GABRB1: variants seen among roughly 807,000 people sequenced by gnomAD.
GABRB1 encodes the protein gamma-aminobutyric acid receptor subunit beta-1.
In GABRB1, 17 loss-of-function variants were observed where a neutral mutation model predicts 51.6. The ratio of observed to expected loss-of-function variants is 0.33; its 90% CI spans 0.23 to 0.49. The LOEUF (loss-of-function observed/expected upper bound fraction) is 0.49, where lower values mean the gene tolerates loss of function less well. Among genes scored for constraint, GABRB1 ranks in the 20% least tolerant of loss-of-function variants. The pLI is 0.99. For synonymous variants in GABRB1, 247 were observed against 218.9 expected (o/e 1.13, Z -1.14); for missense variants, 410 against 600.6 (o/e 0.68, Z 3.32).
intron 4 of GABRB1, among the ~76,000 whole-genome samples, chr4:47,243,649 G>A (rs28754916): frequency 0.21 from 31,189 of 151,980 alleles, 3,363 homozygotes; most frequent in East Asian, 0.25. Flanking sequence ...CTTTGAAGCA[G>A]TTGTGAATGG....
At chr4:47,295,031 A>G (rs961698378) in intron 4 of GABRB1, among the ~76,000 whole-genome samples, 26 of 152,240 alleles carry the variant, frequency 1.7e-4, no homozygotes, top group South Asian at 8.3e-4. Flanking sequence ...ACTCCAACAG[A>G]CCTGCAGCTG....
chr4:47,131,764 A>C (rs1291394269), intron 3 of GABRB1, among the ~76,000 whole-genome samples: 1 of 152,200 alleles, frequency 6.6e-6, no homozygotes, highest in Non-Finnish European at 1.5e-5. Context: ...TTCTGCATGA[A>C]TTTGTGCAAA....
Position 47,036,683 on chromosome 4 carries a change from G to A in GABRB1, c.240+4199G>A, listed in dbSNP as rs150299626. 9.1e-3 allele frequency among the ~76,000 whole-genome samples: 1,382 copies of A among 152,142 alleles called. 18 individuals carry two copies. Among genetic ancestry groups the A allele is most frequent in the African/African-American group, 0.031 (1,268 of 41,476 alleles). ...TTAAGACTAGCCTGGCCAACATGGT[G>A]AAACCCCATGTCTACCAAAAGTATA... On this transcript the variant is annotated intron_variant, in intron 3 of 8. Coordinates refer to ENST00000295454, the MANE Select transcript of GABRB1 (RefSeq NM_000812.4).
chr4:47,198,735 C>A lies in GABRB1; in HGVS notation c.461+37266C>A, dbSNP rs563877170. 9.2e-5 allele frequency among the ~76,000 whole-genome samples: 14 copies of A among 152,250 alleles called. No homozygotes were observed. In the East Asian group the frequency reaches 2.5e-3, roughly 27 times the overall value. ...GAGAAGATTTCTGTTTTAGTACATT[C>A]TCCTGCTGCTACAAAGAACTGCCTG... On this transcript the variant is annotated intron_variant, in intron 4 of 8. Transcript: ENST00000295454.
At chr4:47,331,094 A>G (rs1041819990) in intron 5 of GABRB1, among the ~76,000 whole-genome samples, 2 of 152,288 alleles carry the variant, frequency 1.3e-5, no homozygotes, top group African/African-American at 2.4e-5. Context: ...AATTAGCAGC[A>G]TTGGATATCT....
At chr4:47,416,727 C>T (rs890411775) in intron 8 of GABRB1, among the ~76,000 whole-genome samples, 1 of 152,060 alleles carries the variant, frequency 6.6e-6, no homozygotes, top group African/African-American at 2.4e-5. Flanking sequence ...GCTGGGATTA[C>T]GTGCATGAGC....
intron 8 of GABRB1, among the ~76,000 whole-genome samples, chr4:47,416,978 A>T (rs1053711002): frequency 3.9e-5 from 6 of 152,208 alleles, no homozygotes; most frequent in African/African-American, 1.4e-4. Flanking sequence ...AGTCAATAGA[A>T]TCAGGATCTA....
intron 3 of GABRB1, among the ~76,000 whole-genome samples, chr4:47,104,857 G>T (rs1430775480): frequency 6.6e-6 from 1 of 151,798 alleles, no homozygotes; most frequent in Non-Finnish European, 1.5e-5. Context: ...TTCTGTTTGG[G>T]CCTCCCACAT....
chr4:47,059,279 G>A (rs1726747950), intron 3 of GABRB1, among the ~76,000 whole-genome samples: 1 of 152,168 alleles, frequency 6.6e-6, no homozygotes. Context: ...CCCTAGGTTT[G>A]TTTTGTGGTA....
At chr4:47,211,545 C>CTGAAAG (rs1306051561) in intron 4 of GABRB1, among the ~76,000 whole-genome samples, 3 of 152,140 alleles carry the variant, frequency 2.0e-5, no homozygotes, top group Non-Finnish European at 4.4e-5. Context: ...TTTAGAATGA[C>CTGAAAG]TGAAAGGGGA....
At chr4:47,022,164 G>C (rs1262148061) in intron 1 of GABRB1, among the ~76,000 whole-genome samples, 1 of 151,902 alleles carries the variant, frequency 6.6e-6, no homozygotes, top group Non-Finnish European at 1.5e-5. Flanking sequence ...TGGTTTATTT[G>C]CTTCTCACTT....
chr4:47,325,504 A>T (rs1156671240), intron 5 of GABRB1, among the ~76,000 whole-genome samples: 1 of 151,870 alleles, frequency 6.6e-6, no homozygotes, highest in African/African-American at 2.4e-5. Context: ...TTGATCTTCA[A>T]GCTCTTGTGT....
chr4:47,043,479 G>A (rs1037319304), intron 3 of GABRB1: 3 of 151,994 alleles, frequency 2.0e-5, no homozygotes, highest in African/African-American at 4.8e-5. Flanking sequence ...GATGGCATCT[G>A]TTCTATTGTG....
intron 5 of GABRB1, among the ~76,000 whole-genome samples, chr4:47,399,838 C>T (rs1366080104): frequency 6.6e-6 from 1 of 152,070 alleles, no homozygotes; most frequent in Non-Finnish European, 1.5e-5. Context: ...ATACTTTTTC[C>T]GTTGAAAACA....
At chr4:47,253,097 A>G (rs970105845) in intron 4 of GABRB1, among the ~76,000 whole-genome samples, 1 of 152,194 alleles carries the variant, frequency 6.6e-6, no homozygotes, top group African/African-American at 2.4e-5. Flanking sequence ...TAGCCTGCCC[A>G]ATGTCACACC....
chr4:47,311,173 C>T (rs572314802), intron 4 of GABRB1, among the ~76,000 whole-genome samples: 1 of 151,316 alleles, frequency 6.6e-6, no homozygotes, highest in Non-Finnish European at 1.5e-5. Flanking sequence ...GCGGGTGGAT[C>T]ATTTGAGGTC....
At chr4:47,216,136 C>A (rs1031310796) in intron 4 of GABRB1, among the ~76,000 whole-genome samples, 1 of 151,892 alleles carries the variant, frequency 6.6e-6, no homozygotes, top group Non-Finnish European at 1.5e-5. Flanking sequence ...GAACTTACAA[C>A]GTGTCAGATT....
At chr4:47,305,703 T>C (rs1248793716) in intron 4 of GABRB1, among the ~76,000 whole-genome samples, 6 of 152,190 alleles carry the variant, frequency 3.9e-5, no homozygotes, top group African/African-American at 1.4e-4. Flanking sequence ...TTGATGAATT[T>C]CTTCATTGAA....
chr4:47,170,427 G>GCA (rs1261606563), intron 4 of GABRB1, among the ~76,000 whole-genome samples: 4 of 149,158 alleles, frequency 2.7e-5, no homozygotes, highest in African/African-American at 4.9e-5. Context: ...ACGCACACAC[G>GCA]CACACACACA....
Sources: gnomAD v4.1 joint callset for allele counts (sites outside exome capture counted in the v4.1 genomes callset) on GRCh38, gnomAD v4.1.1 for gene constraint, MANE v1.5 for transcripts, NCBI Gene and HGNC (gene_info 2026-07-23, HGNC 2026-07-21) for gene names.